The following UBE2O variants were observed in gnomAD, a reference collection of about 807,000 sequenced individuals.
The protein encoded by UBE2O is (E3-independent) E2 ubiquitin-conjugating enzyme.
UBE2O carries 15 observed loss-of-function variants against 125.8 expected under a neutral mutation model. The observed-to-expected ratio is 0.12, with a 90% CI of 0.08 to 0.18. The LOEUF (loss-of-function observed/expected upper bound fraction) is 0.18. Ranked by LOEUF, UBE2O falls within the 10% of genes least tolerant of loss-of-function variation. The probability of loss-of-function intolerance (pLI) is 1.00; values close to 1 mark genes in which losing one functional copy is unlikely to be tolerated. For missense variants in UBE2O, 1,280 were observed against 1,723.6 expected (o/e 0.74, Z 4.56); for synonymous variants, 708 against 703.2 (o/e 1.01, Z -0.11).
rs780056240 is a variant in UBE2O, at chr17:76,398,636, G to A, written c.1784-52C>T. 1 of 1,575,992 alleles carries A rather than the reference G, an allele frequency of 6.3e-7. No individual in the cohort carries two copies. Among genetic ancestry groups the A allele is most frequent in the Non-Finnish European group, 8.7e-7 (1 of 1,148,214 alleles). On this transcript the variant is annotated intron_variant, in intron 10 of 17. Coordinates refer to ENST00000319380, the MANE Select transcript of UBE2O (RefSeq NM_022066.4). The surrounding 1 kb of genome is among the most constrained non-coding windows in gnomAD (Gnocchi z 5.4). ...CTAGCTAAGGGATCCCGGCTAAGGAGCCCACATCTCAAGCCAGTGCAGAGT... is the reference window on the plus strand; with the variant it reads ...CTAGCTAAGGGATCCCGGCTAAGGAACCCACATCTCAAGCCAGTGCAGAGT...
At position 76,400,138 on chromosome 17, in the gene UBE2O, A is replaced by C; in HGVS notation, c.1155+9T>G. 3 of 1,611,760 alleles carry C rather than the reference A, an allele frequency of 1.9e-6. No individual in the cohort carries two copies. The highest frequency in any genetic ancestry group is 2.5e-6 in the Non-Finnish European group (3 of 1,178,538). ...AAATGCCCACCAATCCCCAACCCCAAGGACATACCTTCTTGGCCATAGAGC... is the reference window on the plus strand; with the variant it reads ...AAATGCCCACCAATCCCCAACCCCACGGACATACCTTCTTGGCCATAGAGC... On this transcript the variant is annotated intron_variant, in intron 8 of 17. Coordinates refer to ENST00000319380, the MANE Select transcript of UBE2O (RefSeq NM_022066.4). The surrounding 1 kb of genome is among the most constrained non-coding windows in gnomAD (Gnocchi z 4.3).
chr17:76,393,901 C>T (rs940188983), intron 15 of UBE2O, among the ~76,000 whole-genome samples: 20 of 152,234 alleles, frequency 1.3e-4, no homozygotes, highest in African/African-American at 4.1e-4. Context: ...ATGCTCTTAT[C>T]GGTGCCACCC....
chr17:76,419,939 C>T (rs10852769), intron 1 of UBE2O, among the ~76,000 whole-genome samples: 71,042 of 152,038 alleles, frequency 0.47, 19,102 homozygotes, highest in Non-Finnish European at 0.6. Context: ...TCGGCCATGG[C>T]CCTCGGGACC....
At position 76,391,272 on chromosome 17, in the gene UBE2O, CTTG is replaced by C. The variant is rs1232453610; in HGVS notation, c.3547_3549del (p.Gln1183del). 1.9e-6 allele frequency: 3 copies of C among 1,612,928 alleles called. No individual in the cohort carries two copies. Among genetic ancestry groups the C allele is most frequent in the African/African-American group, 2.7e-5 (2 of 74,930 alleles). On this transcript the variant is annotated inframe_deletion, in exon 18 of 18. Coordinates refer to ENST00000319380, the MANE Select transcript of UBE2O (RefSeq NM_022066.4). The surrounding 1 kb of genome is among the most constrained non-coding windows in gnomAD (Gnocchi z 8.4). ...GGGGCTGGCCCTCCATCCTCAGGTTCTTGTTGGCCGGAGTCTGACAGCTCGGCT... is the reference window on the plus strand; with the variant it reads ...GGGGCTGGCCCTCCATCCTCAGGTTCTTGGCCGGAGTCTGACAGCTCGGCT...
At chr17:76,393,186 A>G (rs907787858) in intron 15 of UBE2O, among the ~76,000 whole-genome samples, 1 of 151,964 alleles carries the variant, frequency 6.6e-6, no homozygotes, top group East Asian at 2.0e-4. Flanking sequence ...TGACTCCAGG[A>G]GGCTGAGGCT....
At chr17:76,439,303 GC>G (rs1229099775) in intron 1 of UBE2O, among the ~76,000 whole-genome samples, 2 of 152,226 alleles carry the variant, frequency 1.3e-5, no homozygotes, top group African/African-American at 4.8e-5. Context: ...GTGCAGCCTC[GC>G]CTGCCAGCAC....
intron 1 of UBE2O, among the ~76,000 whole-genome samples, chr17:76,415,795 C>CTGGG (rs1555607404): frequency 3.5e-5 from 5 of 143,200 alleles, no homozygotes; most frequent in Non-Finnish European, 7.6e-5. Flanking sequence ...CAGAGCAAGA[C>CTGGG]TGTGTGTGTG....
chr17:76,408,049 G>A (rs2072453541), intron 1 of UBE2O, among the ~76,000 whole-genome samples: 1 of 152,160 alleles, frequency 6.6e-6, no homozygotes, highest in African/African-American at 2.4e-5. Context: ...GGAGGCTCTT[G>A]TGACTTTCCT....
At position 76,395,171 on chromosome 17, in the gene UBE2O, C is replaced by T. The variant is rs545758000; in HGVS notation, c.2946+554G>A. Reference sequence around the variant, plus strand: ...GATTACAGTCGTGAGCCACCGCACCCGGCCTATTTCAAAGTAATTTTTTTT... The same window carrying T: ...GATTACAGTCGTGAGCCACCGCACCTGGCCTATTTCAAAGTAATTTTTTTT... On this transcript the variant is annotated intron_variant, in intron 15 of 17. Coordinates refer to ENST00000319380, the MANE Select transcript of UBE2O (RefSeq NM_022066.4). This position sits in a 1 kb window ranked among gnomAD's most constrained non-coding sequence, Gnocchi z 5.0. 6.6e-6 allele frequency among the ~76,000 whole-genome samples: 1 copy of T among 151,270 alleles called. No homozygotes were observed. The highest frequency in any genetic ancestry group is 2.1e-4 in the South Asian group (1 of 4,794).
chr17:76,446,055 A>G (rs906580826), intron 1 of UBE2O, among the ~76,000 whole-genome samples: 1 of 152,260 alleles, frequency 6.6e-6, no homozygotes, highest in Non-Finnish European at 1.5e-5. Context: ...TGGAAAGCAC[A>G]TTATAGACGT....
At position 76,399,515 on chromosome 17, in the gene UBE2O, T is replaced by C. The variant is rs757025377; in HGVS notation, c.1562A>G (p.Lys521Arg). The stretch of plus-strand genomic sequence containing the variant: ...CCTCTTGTGTTTGCGCTTTAAGTTC[T>C]TGATGGACAAGGGGATGCTCTTTTT... ...SRKKSIPLSI[K>R]NLKRKHKRKK... Residue 521 changes from lysine (K) to arginine (R), a missense_variant, in exon 9 of 18, where the codon AAG becomes AGG. Around this residue, in one of 10 missense-constraint regions of UBE2O, gnomAD observed 145 missense variants for 219.6 expected, o/e 0.66. Transcript: ENST00000319380. The surrounding 1 kb of genome is among the most constrained non-coding windows in gnomAD (Gnocchi z 6.9). 1.2e-6 allele frequency: 2 copies of C among 1,614,220 alleles called. No individual in the cohort carries two copies. The highest frequency in any genetic ancestry group is 2.2e-5 in the East Asian group (1 of 44,882).
intron 1 of UBE2O, among the ~76,000 whole-genome samples, chr17:76,423,896 C>CTTTT (rs746126675): frequency 0.02 from 1,647 of 83,432 alleles, 67 homozygotes; most frequent in Middle Eastern, 0.033. Flanking sequence ...AGGTTGGGTT[C>CTTTT]TTTTTTTTTT....
At chr17:76,409,890 G>T (rs1377937212) in intron 1 of UBE2O, among the ~76,000 whole-genome samples, 2 of 152,164 alleles carry the variant, frequency 1.3e-5, no homozygotes, top group Non-Finnish European at 2.9e-5. Context: ...AGAGAAGGTG[G>T]TACCAAGTGC....
At position 76,399,801 on chromosome 17, in the gene UBE2O, C is replaced by T. The variant is rs766131101; in HGVS notation, c.1276G>A (p.Glu426Lys). The change falls in exon 9 of 18, where the codon GAA becomes AAA. Residue 426 changes from glutamate to lysine, a missense_variant. By Grantham distance (56) the Glu-to-Lys change is moderately conservative. Around this residue, in one of 10 missense-constraint regions of UBE2O, gnomAD observed 141 missense variants for 141.3 expected, o/e 1.00. Coordinates refer to ENST00000319380, the MANE Select transcript of UBE2O (RefSeq NM_022066.4). This position sits in a 1 kb window ranked among gnomAD's most constrained non-coding sequence, Gnocchi z 6.9. ...TCCTCAGGGCTGGCAGACTCCGCTT[C>T]GCTCTTGGTTTTGGATTCCCCCTTC... ...DKKGESKTKS[E>K]AESASPEETP... 2.2e-5 allele frequency: 35 copies of T among 1,614,086 alleles called. No homozygotes were observed. The highest frequency in any genetic ancestry group is 1.6e-4 in the Middle Eastern group (1 of 6,084).
chr17:76,401,986 C>T, intron 5 of UBE2O, 78 bp downstream of exon 5: 3 of 1,482,770 alleles, frequency 2.0e-6, no homozygotes, highest in Non-Finnish European at 9.2e-7. Context: ...TAGCTGGGTC[C>T]AGGTCTTTGC....
At chr17:76,407,651 G>A (rs1426575664) in intron 1 of UBE2O, among the ~76,000 whole-genome samples, 1 of 152,210 alleles carries the variant, frequency 6.6e-6, no homozygotes, top group Admixed American at 6.5e-5. Context: ...CAGCCTAACA[G>A]CACCCTTGGG....
intron 1 of UBE2O, among the ~76,000 whole-genome samples, chr17:76,433,828 C>T (rs927530952): frequency 5.9e-5 from 9 of 152,164 alleles, no homozygotes; most frequent in Admixed American, 5.2e-4. Flanking sequence ...TTGAGACCAG[C>T]CTGGGCAACA....
chr17:76,397,780 G>A lies in UBE2O; in HGVS notation c.2115+19C>T, dbSNP rs773128451. 1.9e-6 allele frequency: 3 copies of A among 1,612,906 alleles called. 1 individual carries two copies. The highest frequency in any genetic ancestry group is 2.2e-5 in the East Asian group (1 of 44,868). On this transcript the variant is annotated intron_variant, in intron 13 of 17. Coordinates refer to ENST00000319380, the MANE Select transcript of UBE2O (RefSeq NM_022066.4). ...GCCATAGTCACAAGCTCAGCAGGGG[G>A]GTCTTGCCAGAGCCTCACCTGGGGC... is the stretch of plus-strand genomic sequence containing the variant.
intron 1 of UBE2O, among the ~76,000 whole-genome samples, chr17:76,446,718 T>C (rs533203441): frequency 3.3e-5 from 5 of 152,314 alleles, no homozygotes; most frequent in African/African-American, 7.2e-5. Flanking sequence ...CTAATGGAGC[T>C]GACCACTTCT....
Sources: gnomAD v4.1 joint callset for allele counts (sites outside exome capture counted in the v4.1 genomes callset) on GRCh38, gnomAD v4.1.1 for gene constraint, gnomAD v4.1.1 regional missense constraint, Gnocchi (gnomAD v3.1) non-coding constraint, MANE v1.5 for transcripts, NCBI Gene and HGNC (gene_info 2026-07-23, HGNC 2026-07-21) for gene names.